Variants in PCDH9 observed in about 807,000 individuals in gnomAD.
The protein encoded by PCDH9 is protocadherin 9, also known as protocadherin-9.
A neutral mutation model predicts 70.6 loss-of-function variants in PCDH9; 24 were observed. That is an observed-to-expected ratio of 0.34 (90% confidence interval 0.25 to 0.48). The LOEUF is 0.48. Ranked by LOEUF, PCDH9 falls within the 20% of genes least tolerant of loss-of-function variation. PCDH9 has a pLI of 0.99. For missense variants in PCDH9, 1,281 were observed against 1,503.6 expected (o/e 0.85, Z 2.45); for synonymous variants, 562 against 558.5 (o/e 1.01, Z -0.09).
At chr13:66,870,644 T>C (rs939645751) in intron 3 of PCDH9, among the ~76,000 whole-genome samples, 9 of 152,096 alleles carry the variant, frequency 5.9e-5, no homozygotes, top group South Asian at 2.1e-4. Context: ...AAAATGCTCA[T>C]CATCACTGGC....
At chr13:66,593,788 G>C (rs1361992166) in intron 4 of PCDH9, among the ~76,000 whole-genome samples, 1 of 151,552 alleles carries the variant, frequency 6.6e-6, no homozygotes, top group Non-Finnish European at 1.5e-5. Context: ...TTTTTCAAAG[G>C]ATGAAATTGA....
intron 2 of PCDH9, among the ~76,000 whole-genome samples, chr13:67,003,432 G>T (rs1437487385): frequency 6.6e-6 from 1 of 151,976 alleles, no homozygotes; most frequent in East Asian, 1.9e-4. Flanking sequence ...TTATTAACAT[G>T]TATTGTTATC....
intron 2 of PCDH9, among the ~76,000 whole-genome samples, chr13:67,199,932 G>GTAAA (rs1436146280): frequency 6.6e-6 from 1 of 151,984 alleles, no homozygotes; most frequent in Non-Finnish European, 1.5e-5. Context: ...ATGGACCTGA[G>GTAAA]TAAATTCCTT....
intron 3 of PCDH9, among the ~76,000 whole-genome samples, chr13:66,650,794 G>C (rs1434618509): frequency 6.6e-6 from 1 of 151,558 alleles, no homozygotes; most frequent in East Asian, 1.9e-4. Flanking sequence ...CACAAGACAA[G>C]TCTCAAAAAT....
At chr13:66,778,649 C>A (rs2079940710) in intron 3 of PCDH9, among the ~76,000 whole-genome samples, 1 of 152,156 alleles carries the variant, frequency 6.6e-6, no homozygotes, top group South Asian at 2.1e-4. Flanking sequence ...TTACTATGTG[C>A]CTGACACTTT....
intron 3 of PCDH9, among the ~76,000 whole-genome samples, chr13:66,705,592 C>T (rs1226175192): frequency 6.6e-6 from 1 of 152,094 alleles, no homozygotes; most frequent in East Asian, 1.9e-4. Context: ...TTATGTTTCA[C>T]ATATATCTTA....
At chr13:66,691,004 G>T (rs529242275) in intron 3 of PCDH9, among the ~76,000 whole-genome samples, 1 of 152,124 alleles carries the variant, frequency 6.6e-6, no homozygotes, top group East Asian at 1.9e-4. Context: ...TTACCTAAAC[G>T]TAAATCATTT....
intron 2 of PCDH9, among the ~76,000 whole-genome samples, chr13:66,931,859 C>T (rs1202928348): frequency 2.6e-5 from 4 of 152,028 alleles, no homozygotes; most frequent in African/African-American, 9.7e-5. Context: ...ACACCCAAAA[C>T]ACTTATGTTG....
chr13:66,870,938 C>T (rs1384040053), intron 3 of PCDH9, among the ~76,000 whole-genome samples: 1 of 152,114 alleles, frequency 6.6e-6, no homozygotes, highest in Admixed American at 6.6e-5. Flanking sequence ...CACATGCACA[C>T]TTATGTTTAC....
chr13:66,542,233 G>A (rs1932882), intron 4 of PCDH9, among the ~76,000 whole-genome samples: 34,597 of 151,908 alleles, frequency 0.23, 4,446 homozygotes, highest in South Asian at 0.34. Flanking sequence ...CTAATGACAC[G>A]AGACTACAAA....
intron 3 of PCDH9, among the ~76,000 whole-genome samples, chr13:66,838,721 AAATAT>A (rs1384353246): frequency 6.6e-6 from 1 of 152,126 alleles, no homozygotes; most frequent in Non-Finnish European, 1.5e-5. Flanking sequence ...AAACACAGTT[AAATAT>A]AAGTGTTGTG....
chr13:66,519,558 C>A (rs1056862076), intron 4 of PCDH9, among the ~76,000 whole-genome samples: 1 of 152,060 alleles, frequency 6.6e-6, no homozygotes, highest in African/African-American at 2.4e-5. Flanking sequence ...TCTAGAGAAT[C>A]CCTAAGGTCA....
At chr13:66,730,901 T>TTTA (rs1555262888) in intron 3 of PCDH9, among the ~76,000 whole-genome samples, 3 of 124,716 alleles carry the variant, frequency 2.4e-5, no homozygotes, top group Non-Finnish European at 5.3e-5. Flanking sequence ...GTTTCTTTTT[T>TTTA]TTTGTGGAGA....
At chr13:66,973,947 A>G (rs958149035) in intron 2 of PCDH9, among the ~76,000 whole-genome samples, 2 of 152,000 alleles carry the variant, frequency 1.3e-5, no homozygotes, top group Non-Finnish European at 2.9e-5. Flanking sequence ...GTTACAATAG[A>G]ATAATAGGAT....
At position 66,868,856 on chromosome 13, in the gene PCDH9, G is replaced by A. The variant is rs2081621622; in HGVS notation, c.3138+34648C>T. Among the ~76,000 whole-genome samples, 5 of 152,044 alleles carry A rather than the reference G, an allele frequency of 3.3e-5. No homozygotes were observed. The South Asian group carries it at 1.0e-3, about 32-fold the overall frequency. On this transcript the variant is annotated intron_variant, in intron 3 of 4. Coordinates refer to ENST00000377865, the MANE Select transcript of PCDH9 (RefSeq NM_203487.3). ...TTACCATTTGCCTGACACTTTGCTA[G>A]GAATTGTAGTTTTAAAACGTGAGAA...
intron 4 of PCDH9, among the ~76,000 whole-genome samples, chr13:66,418,836 C>G (rs1023192267): frequency 8.8e-5 from 4 of 45,484 alleles, no homozygotes; most frequent in African/African-American, 1.5e-4. Flanking sequence ...AATAGATAGA[C>G]CGCTAGCCAG....
intron 2 of PCDH9, among the ~76,000 whole-genome samples, chr13:66,923,379 G>C (rs918100920): frequency 6.6e-6 from 1 of 151,458 alleles, no homozygotes; most frequent in African/African-American, 2.4e-5. Flanking sequence ...TTTCATAACA[G>C]AGTTCTTTCT....
At chr13:67,049,682 AAT>A (rs1163913037) in intron 2 of PCDH9, among the ~76,000 whole-genome samples, 2 of 152,160 alleles carry the variant, frequency 1.3e-5, no homozygotes, top group African/African-American at 4.8e-5. Context: ...TTCAGAGTTA[AAT>A]TTTCAAACAA....
intron 2 of PCDH9, among the ~76,000 whole-genome samples, chr13:66,984,933 CCCATTGCA>C (rs2083858844): frequency 6.6e-6 from 1 of 152,058 alleles, no homozygotes; most frequent in Non-Finnish European, 1.5e-5. Context: ...TCTCCCTGTT[CCCATTGCA>C]TTGGCTGTCT....
Sources: gnomAD v4.1 joint callset for allele counts (sites outside exome capture counted in the v4.1 genomes callset) on GRCh38, gnomAD v4.1.1 for gene constraint, MANE v1.5 for transcripts, NCBI Gene and HGNC (gene_info 2026-07-23, HGNC 2026-07-21) for gene names.